Variants in PRUNE2 observed in about 807,000 individuals in gnomAD.
PRUNE2 encodes the protein prune homolog 2 with BCH domain.
In PRUNE2, 164 loss-of-function variants were observed where a neutral mutation model predicts 252.0. That is an observed-to-expected ratio of 0.65 (90% CI 0.57 to 0.74). The LOEUF is 0.74. PRUNE2 is among the 30% of genes least tolerant of loss of function. The pLI is 0.00. For synonymous variants in PRUNE2, 1,292 were observed against 1,350.2 expected (o/e 0.96, Z 0.94); for missense variants, 3,495 against 3,711.0 (o/e 0.94, Z 1.51).
intron 2 of PRUNE2, among the ~76,000 whole-genome samples, chr9:76,851,391 C>A (rs1051269157): frequency 5.9e-5 from 9 of 151,862 alleles, no homozygotes; most frequent in Non-Finnish European, 1.3e-4. Flanking sequence ...ACTAAAAATA[C>A]AAAAAAATTA....
rs71354667 is a variant in PRUNE2 at position 76,636,973 on chromosome 9, A to ATGTGTGTGTGTGTGTG, written c.8963+429_8964-417dup. Among the ~76,000 whole-genome samples the ATGTGTGTGTGTGTGTG allele has an allele frequency of 1.1e-3, 156 of 145,488 alleles. 1 individual carries two copies. The highest frequency in any genetic ancestry group is 4.0e-3 in the African/African-American group (149 of 37,686). ...TCCAACAACAACGACAACAACAAAAATGTGTGTGTGTGTGTGTGTGTGTGT... is the reference window on the plus strand; with the variant it reads ...TCCAACAACAACGACAACAACAAAAATGTGTGTGTGTGTGTGTGTGTGTGTGTGTGTGTGTGTGTGT... On this transcript the variant is annotated intron_variant, in intron 14 of 18. Coordinates refer to ENST00000376718, the MANE Select transcript of PRUNE2 (RefSeq NM_015225.3).
In PRUNE2 at chr9:76,800,699, A is replaced by G. The variant is rs190467535; in HGVS notation, c.756+22933T>C. 4.4e-3 allele frequency among the ~76,000 whole-genome samples: 674 copies of G among 152,254 alleles called. 8 individuals carry two copies. Among genetic ancestry groups the G allele is most frequent in the African/African-American group, 0.016 (656 of 41,524 alleles). On this transcript the variant is annotated intron_variant, in intron 6 of 18. Coordinates refer to ENST00000376718, the MANE Select transcript of PRUNE2 (RefSeq NM_015225.3). The stretch of plus-strand genomic sequence containing the variant: ...TGCGCCCTACTCCTCTGGATATAGA[A>G]TTCACCTCTACAGCGAGCCTCACAC...
At position 76,707,936 on chromosome 9, in the gene PRUNE2, AG is replaced by A. The variant is rs2046426345; in HGVS notation, c.4337del (p.Thr1446IlefsTer5). 5 of 1,613,792 alleles carry A rather than the reference AG, an allele frequency of 3.1e-6. No homozygotes were observed. Among genetic ancestry groups the A allele is most frequent in the Non-Finnish European group, 4.2e-6 (5 of 1,179,888 alleles). ...SQRNSGETTE[T>X]SDGMNFTKYV... is the part of the protein sequence containing the mutation. Reference sequence around the variant, plus strand: ...ATTTTGTGAAATTCATCCCATCTGAAGTCTCAGTAGTTTCACCTGAATTTCT... The same window carrying A: ...ATTTTGTGAAATTCATCCCATCTGAATCTCAGTAGTTTCACCTGAATTTCT... On this transcript the variant is annotated frameshift_variant, in exon 8 of 19. Transcript: ENST00000376718. LOFTEE classifies it high-confidence loss of function.
chr9:76,838,887 G>A (rs564431382), intron 4 of PRUNE2, among the ~76,000 whole-genome samples: 24 of 152,056 alleles, frequency 1.6e-4, no homozygotes, highest in Admixed American at 2.6e-4. Context: ...TCCTTGAACT[G>A]TTTACATGTC....
In PRUNE2 at chr9:76,679,892, C is replaced by T. The variant is rs909577626; in HGVS notation, c.8276+23445G>A. On this transcript the variant is annotated intron_variant, in intron 9 of 18. Transcript: ENST00000376718. Reference sequence around the variant, plus strand: ...ATGGATTAGCAATAAAAACATAAGACCCAAAATAGAAACTTCTAGCATAAA... The same window carrying T: ...ATGGATTAGCAATAAAAACATAAGATCCAAAATAGAAACTTCTAGCATAAA... 5.3e-4 allele frequency among the ~76,000 whole-genome samples: 80 copies of T among 152,036 alleles called. 2 individuals are homozygous for T. Among genetic ancestry groups the T allele is most frequent in the Non-Finnish European group, 1.0e-3 (68 of 68,018 alleles).
chr9:76,758,072 G>C (rs1018929733), intron 6 of PRUNE2, among the ~76,000 whole-genome samples: 8 of 151,888 alleles, frequency 5.3e-5, no homozygotes, highest in African/African-American at 1.9e-4. Flanking sequence ...TCTTCAATCA[G>C]GAGACTATAA....
chr9:76,657,472 A>G (rs1175707411), intron 9 of PRUNE2, among the ~76,000 whole-genome samples: 3 of 152,222 alleles, frequency 2.0e-5, no homozygotes, highest in African/African-American at 7.2e-5. Context: ...TTTTTAAACA[A>G]TTGTGAATTA....
rs369031422 is a variant in PRUNE2, at chr9:76,779,204, T to C, written c.756+44428A>G. Among the ~76,000 whole-genome samples, 8 of 151,472 alleles carry C rather than the reference T, an allele frequency of 5.3e-5. No homozygotes were observed. The South Asian group carries it at 1.2e-3, about 24-fold the overall frequency. ...TTAAAATATGCAGAAGATAATTAAA[T>C]GGCAATGGACAAAGTGAAAAACTTA... is the stretch of plus-strand genomic sequence containing the variant. On this transcript the variant is annotated intron_variant, in intron 6 of 18. Transcript: ENST00000376718.
chr9:76,651,503 A>G (rs533088248), intron 11 of PRUNE2, among the ~76,000 whole-genome samples: 1 of 152,250 alleles, frequency 6.6e-6, no homozygotes. Flanking sequence ...AAAATGAATA[A>G]AAGCAATAGC....
At chr9:76,654,759 T>G (rs1263607648) in intron 10 of PRUNE2, among the ~76,000 whole-genome samples, 2 of 152,156 alleles carry the variant, frequency 1.3e-5, no homozygotes, top group African/African-American at 4.8e-5. Context: ...GTTACATGAC[T>G]AGTATTTTGA....
intron 6 of PRUNE2, among the ~76,000 whole-genome samples, chr9:76,723,794 C>T (rs1157258934): frequency 6.6e-6 from 1 of 150,610 alleles, no homozygotes; most frequent in Non-Finnish European, 1.5e-5. Context: ...TTATTACCTC[C>T]TATAAGCATA....
intron 4 of PRUNE2, among the ~76,000 whole-genome samples, chr9:76,842,541 C>T (rs2132378522): frequency 6.6e-6 from 1 of 152,258 alleles, no homozygotes; most frequent in South Asian, 2.1e-4. Flanking sequence ...TCAGAATGAA[C>T]AGGCAACCTA....
At chr9:76,641,855 A>G in intron 12 of PRUNE2, 3 of 1,252,194 alleles carry the variant, frequency 2.4e-6, no homozygotes, top group East Asian at 5.1e-5. Context: ...TGGAATGGAG[A>G]CAGAAGGAAA....
intron 16 of PRUNE2, among the ~76,000 whole-genome samples, chr9:76,628,045 G>A (rs1835717150): frequency 6.6e-6 from 1 of 152,038 alleles, no homozygotes; most frequent in Non-Finnish European, 1.5e-5. Context: ...CCATTTTATG[G>A]AGGAAGATGA....
intron 4 of PRUNE2, among the ~76,000 whole-genome samples, chr9:76,834,875 A>G (rs2058868122): frequency 6.6e-6 from 1 of 152,212 alleles, no homozygotes; most frequent in Admixed American, 6.5e-5. Flanking sequence ...TTTCTGTATC[A>G]TGACTTACAG....
intron 4 of PRUNE2, among the ~76,000 whole-genome samples, chr9:76,843,917 G>A (rs57502165): frequency 0.085 from 12,897 of 151,846 alleles, 692 homozygotes; most frequent in East Asian, 0.15. Context: ...TAGTAGAGAC[G>A]AGGTTTCACC....
Position 76,708,163 on chromosome 9 carries a change from A to G in PRUNE2, c.4111T>C (p.Ser1371Pro). The G allele has an allele frequency of 6.2e-7, 1 of 1,613,992 alleles. No homozygotes were observed. Among genetic ancestry groups the G allele is most frequent in the Non-Finnish European group, 8.5e-7 (1 of 1,179,880 alleles). ...SDQELSSLVASEHQEICIKSG... is the reference protein window; with the variant it reads ...SDQELSSLVAPEHQEICIKSG... ...TTAATGCAGATTTCCTGATGTTCAG[A>G]TGCAACCAGAGAAGACAGTTCCTGG... The change falls in exon 8 of 19, where the codon TCT becomes CCT. Residue 1371 changes from serine (S) to proline (P), a missense_variant. Ser to Pro is a moderately conservative substitution (Grantham distance 74). Coordinates refer to ENST00000376718, the MANE Select transcript of PRUNE2 (RefSeq NM_015225.3).
At chr9:76,900,537 G>A (rs1239824071) in intron 1 of PRUNE2, among the ~76,000 whole-genome samples, 1 of 152,164 alleles carries the variant, frequency 6.6e-6, no homozygotes. Flanking sequence ...GACTGTGCAG[G>A]TTGTGTACTA....
chr9:76,721,059 A>G (rs4745573), intron 6 of PRUNE2, among the ~76,000 whole-genome samples: 98,933 of 151,912 alleles, frequency 0.65, 32,554 homozygotes, highest in East Asian at 0.91. Flanking sequence ...CCGAGATCGC[A>G]CCACTGCACT....
Sources: gnomAD v4.1 joint callset for allele counts (sites outside exome capture counted in the v4.1 genomes callset) on GRCh38, gnomAD v4.1.1 for gene constraint, MANE v1.5 for transcripts, NCBI Gene and HGNC (gene_info 2026-07-23, HGNC 2026-07-21) for gene names.